EML5: variants seen among roughly 807,000 people sequenced by gnomAD.
EML5 encodes EMAP like 5, also known as echinoderm microtubule-associated protein-like 5.
A neutral mutation model predicts 250.0 loss-of-function variants in EML5; 120 were observed. That is an observed-to-expected ratio of 0.48 (90% CI 0.41 to 0.56). EML5 has a LOEUF of 0.56. EML5 is among the 20% of genes least tolerant of loss of function. The pLI is 0.00. For synonymous variants in EML5, 771 were observed against 806.5 expected, an observed-to-expected ratio of 0.96 and a Z score of 0.75; for missense variants, 2,006 against 2,437.6, an observed-to-expected ratio of 0.82 and a Z score of 3.73.
In EML5 at chr14:88,686,755, G is replaced by A. The variant is rs113998536; in HGVS notation, c.2854+461C>T. The stretch of plus-strand genomic sequence containing the variant: ...GAGTCTAGGGGTTCAAGGTTTCAGT[G>A]AGTTATGATTGCACCACTGCACTCC... On this transcript the variant is annotated intron_variant, in intron 19 of 43. Coordinates refer to ENST00000554922, the MANE Select transcript of EML5 (RefSeq NM_183387.3). 1.7e-3 allele frequency among the ~76,000 whole-genome samples: 263 copies of A among 152,210 alleles called. 1 individual carries two copies. The highest frequency in any genetic ancestry group is 6.0e-3 in the African/African-American group (251 of 41,530).
At chr14:88,678,509 C>T (rs1460111229) in intron 21 of EML5, among the ~76,000 whole-genome samples, 3 of 152,120 alleles carry the variant, frequency 2.0e-5, no homozygotes, top group Non-Finnish European at 1.5e-5. Context: ...AGTCTTGCAC[C>T]TGAACCTCCT....
intron 6 of EML5, among the ~76,000 whole-genome samples, chr14:88,738,291 G>C (rs2093875228): frequency 6.6e-6 from 1 of 151,800 alleles, no homozygotes. Context: ...TACAGTGAGG[G>C]TAAATTACCA....
At chr14:88,679,250 C>T (rs1265447709) in intron 21 of EML5, among the ~76,000 whole-genome samples, 2 of 150,928 alleles carry the variant, frequency 1.3e-5, no homozygotes, top group African/African-American at 4.9e-5. Flanking sequence ...GGGGTTAGAA[C>T]TTCAACATAT....
rs76231557 is a variant in EML5 at position 88,620,769 on chromosome 14, G to T, written c.5360C>A (p.Ala1787Glu). Residue 1787 changes from alanine to glutamate, a missense_variant, in exon 39 of 44, where the codon GCA (alanine) becomes GAA (glutamate). Ala to Glu is a moderately radical substitution (Grantham distance 107). Transcript: ENST00000554922. This position sits in a 1 kb window ranked among gnomAD's most constrained non-coding sequence, Gnocchi z 4.3. ...IWGKKRDRRC[A>E]IHDIRFSPDS... Reference sequence around the variant, plus strand: ...GTTCACTAACCTGATATCATGGATTGCACATCTCCTGTCTCTCTTCTTTCC... The same window carrying T: ...GTTCACTAACCTGATATCATGGATTTCACATCTCCTGTCTCTCTTCTTTCC... 1.9e-3 allele frequency: 3,111 copies of T among 1,596,626 alleles called. 69 individuals carry two copies. The African/African-American group carries it at 0.038, about 20-fold the overall frequency.
intron 28 of EML5, among the ~76,000 whole-genome samples, chr14:88,649,585 T>C (rs190946939): frequency 6.6e-6 from 1 of 152,346 alleles, no homozygotes; most frequent in African/African-American, 2.4e-5. Context: ...TAAAATTGAA[T>C]AGTCTTTCAC....
intron 29 of EML5, 151 bp downstream of exon 29, chr14:88,646,796 A>G (rs2091369003): frequency 1.6e-6 from 1 of 626,244 alleles, no homozygotes; most frequent in Non-Finnish European, 2.6e-6. Flanking sequence ...GATGTTATTC[A>G]TTTCAGTGAT....
rs552558861 is a variant in EML5 at position 88,654,260 on chromosome 14, G to GT, written c.4004+3115dup. ...CCTGGATTCACTGATTTTTTGAAGGGTTTTTTGTGTCTCTCTCTCCTTCAG... is the reference window on the plus strand; with the variant it reads ...CCTGGATTCACTGATTTTTTGAAGGGTTTTTTTGTGTCTCTCTCTCCTTCAG... On this transcript the variant is annotated intron_variant, in intron 27 of 43. Transcript: ENST00000554922. 5.1e-3 allele frequency among the ~76,000 whole-genome samples: 779 copies of GT among 152,068 alleles called. 6 individuals are homozygous for GT. Among genetic ancestry groups the GT allele is most frequent in the African/African-American group, 0.018 (750 of 41,488 alleles).
chr14:88,698,775 A>G (rs2093139937), intron 14 of EML5, among the ~76,000 whole-genome samples: 1 of 152,210 alleles, frequency 6.6e-6, no homozygotes, highest in African/African-American at 2.4e-5. Flanking sequence ...TCCAAGACTT[A>G]CATTTTCAAT....
rs554882046 is a variant in EML5, at chr14:88,740,590, T to C, written c.526-18A>G. On this transcript the variant is annotated intron_variant, in intron 4 of 43. Transcript: ENST00000554922. The stretch of plus-strand genomic sequence containing the variant: ...CTCCAGAACTAAAAGGTATATAGTA[T>C]AATCAAATTACCAAAGAATTCTTAT... The C allele has an allele frequency of 1.3e-6, 2 of 1,526,968 alleles. No individual in the cohort carries two copies. Among genetic ancestry groups the C allele is most frequent in the Non-Finnish European group, 1.8e-6 (2 of 1,134,136 alleles). 94.6% of individuals were successfully genotyped at this position (1,526,968 alleles called of 1,614,324 possible).
chr14:88,666,744 G>C (rs1198463911), intron 21 of EML5, among the ~76,000 whole-genome samples: 2 of 152,004 alleles, frequency 1.3e-5, no homozygotes, highest in Non-Finnish European at 2.9e-5. Flanking sequence ...CTAACAGCAA[G>C]GGTTGCAGCA....
chr14:88,656,528 G>A (rs2140888389), intron 27 of EML5, among the ~76,000 whole-genome samples: 1 of 152,188 alleles, frequency 6.6e-6, no homozygotes, highest in African/African-American at 2.4e-5. Flanking sequence ...ATGATGGGCT[G>A]ATGGATGCAG....
At chr14:88,791,293 G>A (rs567332377) in intron 1 of EML5, among the ~76,000 whole-genome samples, 3 of 152,260 alleles carry the variant, frequency 2.0e-5, no homozygotes, top group South Asian at 2.1e-4. Context: ...ATACATGAGG[G>A]AATAACATTT....
intron 21 of EML5, among the ~76,000 whole-genome samples, chr14:88,665,979 C>G (rs937728371): frequency 2.0e-5 from 3 of 151,550 alleles, no homozygotes; most frequent in African/African-American, 4.8e-5. Context: ...AAAAAGGAGT[C>G]GAGATACAGA....
Position 88,613,204 on chromosome 14 carries a change from G to C in EML5, c.*2614C>G, listed in dbSNP as rs979202607. On this transcript the variant is annotated 3_prime_UTR_variant, in exon 44 of 44. Coordinates refer to ENST00000554922, the MANE Select transcript of EML5 (RefSeq NM_183387.3). ...GGAAAGGCTTGAAACACGAGAAGCAGCAAAGACAGAGCACACAAGTGCATA... is the reference window on the plus strand; with the variant it reads ...GGAAAGGCTTGAAACACGAGAAGCACCAAAGACAGAGCACACAAGTGCATA... 6.6e-6 allele frequency: 1 copy of C among 152,180 alleles called. No individual in the cohort carries two copies. Among genetic ancestry groups the C allele is most frequent in the Admixed American group, 6.5e-5 (1 of 15,282 alleles). 9.4% of individuals were successfully genotyped at this position (152,180 alleles called of 1,614,324 possible).
At position 88,716,293 on chromosome 14, in the gene EML5, C is replaced by T. The variant is rs999129212; in HGVS notation, c.1188-1098G>A. 5.9e-5 allele frequency among the ~76,000 whole-genome samples: 9 copies of T among 152,084 alleles called. No individual in the cohort carries two copies. In the South Asian group the frequency reaches 1.7e-3, roughly 28 times the overall value. On this transcript the variant is annotated intron_variant, in intron 8 of 43. Coordinates refer to ENST00000554922, the MANE Select transcript of EML5 (RefSeq NM_183387.3). ...AAATCCAAGATTGTATTATTTGAAG[C>T]TTCTGTACTTTTTTTTAAAGTTTCC...
At chr14:88,713,429 TCTG>T (rs763792430) in intron 9 of EML5, among the ~76,000 whole-genome samples, 2 of 152,140 alleles carry the variant, frequency 1.3e-5, no homozygotes, top group Admixed American at 6.5e-5. Context: ...TTTTGATGAT[TCTG>T]CTTTTATTCC....
intron 7 of EML5, among the ~76,000 whole-genome samples, chr14:88,734,457 A>C (rs1185543602): frequency 6.6e-6 from 1 of 152,156 alleles, no homozygotes; most frequent in Non-Finnish European, 1.5e-5. Context: ...AATATCTTAA[A>C]TATTACAATG....
At chr14:88,688,598 T>G in intron 17 of EML5, 125 bp from the exon 18 acceptor site, 1 of 945,204 alleles carries the variant, frequency 1.1e-6, no homozygotes, top group Non-Finnish European at 1.6e-6. Flanking sequence ...GTAAGGAGAA[T>G]TGAAAACTAC....
intron 9 of EML5, 133 bp downstream of exon 9, chr14:88,714,806 C>T: frequency 1.3e-6 from 1 of 793,082 alleles, no homozygotes; most frequent in Non-Finnish European, 1.9e-6. Flanking sequence ...GTAGAAAAGT[C>T]TACAATGCCT....
Sources: allele counts gnomAD v4.1 joint callset (sites outside exome capture counted in the v4.1 genomes callset), GRCh38; gene constraint gnomAD v4.1.1; non-coding constraint Gnocchi (gnomAD v3.1); transcripts MANE v1.5; gene names NCBI Gene and HGNC (gene_info 2026-07-23, HGNC 2026-07-21).